CHD9: variants seen among roughly 807,000 people sequenced by gnomAD.
CHD9 encodes ATP-dependent chromatin remodeler CHD9.
A neutral mutation model predicts 316.1 loss-of-function variants in CHD9; 77 were observed. That is an observed-to-expected ratio of 0.24 (90% CI 0.20 to 0.29). The LOEUF (loss-of-function observed/expected upper bound fraction) is 0.29, where lower values mean the gene tolerates loss of function less well. CHD9 is among the 10% of genes least tolerant of loss of function. The probability of loss-of-function intolerance (pLI) is 1.00; values close to 1 mark genes in which losing one functional copy is unlikely to be tolerated. For synonymous variants in CHD9, 1,129 were observed against 1,158.3 expected, an observed-to-expected ratio of 0.97 and a Z score of 0.51; for missense variants, 2,763 against 3,438.1, an observed-to-expected ratio of 0.80 and a Z score of 4.91.
chr16:53,114,458 G>A (rs932847473), intron 1 of CHD9, among the ~76,000 whole-genome samples: 32 of 152,046 alleles, frequency 2.1e-4, no homozygotes, highest in Non-Finnish European at 3.5e-4. Context: ...AGGTTTTGCC[G>A]TATTGGCCAG....
At chr16:53,282,570 G>T (rs1418214322) in intron 24 of CHD9, among the ~76,000 whole-genome samples, 3 of 152,154 alleles carry the variant, frequency 2.0e-5, no homozygotes, top group Non-Finnish European at 4.4e-5. Context: ...TTGCACCACT[G>T]CACACCAGCC....
At chr16:53,154,638 C>A (rs1366033185) in intron 1 of CHD9, among the ~76,000 whole-genome samples, 1 of 152,140 alleles carries the variant, frequency 6.6e-6, no homozygotes, top group Non-Finnish European at 1.5e-5. Context: ...GGGAGCACAG[C>A]CTAGATCACT....
At chr16:53,087,746 G>GAGACC (rs1315678486) in intron 1 of CHD9, among the ~76,000 whole-genome samples, 1 of 151,978 alleles carries the variant, frequency 6.6e-6, no homozygotes, top group Non-Finnish European at 1.5e-5. Flanking sequence ...TCAGGAGTTC[G>GAGACC]AGACCAGCCT....
At chr16:53,233,639 C>T (rs1234380392) in intron 10 of CHD9, among the ~76,000 whole-genome samples, 1 of 152,036 alleles carries the variant, frequency 6.6e-6, no homozygotes, top group Non-Finnish European at 1.5e-5. Flanking sequence ...CCTTTCTGCC[C>T]ATTCCCCTTC....
intron 20 of CHD9, among the ~76,000 whole-genome samples, chr16:53,264,389 A>G (rs138503288): frequency 6.6e-6 from 1 of 152,242 alleles, no homozygotes; most frequent in East Asian, 1.9e-4. Flanking sequence ...AATTTTCTAT[A>G]TGGGAGCAAT....
At chr16:53,146,349 T>C (rs1029800992) in intron 1 of CHD9, among the ~76,000 whole-genome samples, 3 of 138,104 alleles carry the variant, frequency 2.2e-5, no homozygotes, top group Admixed American at 7.7e-5. Flanking sequence ...GCTGAGATCA[T>C]GCCATTGCAC....
At chr16:53,263,269 C>T (rs2051321450) in intron 20 of CHD9, among the ~76,000 whole-genome samples, 172 bp downstream of exon 20, 1 of 152,110 alleles carries the variant, frequency 6.6e-6, no homozygotes. Flanking sequence ...TTTAATACAT[C>T]TAATATCTCC....
At chr16:53,179,569 G>A (rs898043146) in intron 2 of CHD9, among the ~76,000 whole-genome samples, 3 of 151,936 alleles carry the variant, frequency 2.0e-5, no homozygotes, top group Non-Finnish European at 4.4e-5. Context: ...AATGTATCTT[G>A]TACCCAGTCA....
chr16:53,238,307 C>A (rs1304886704), intron 11 of CHD9, 36 bp from the exon 12 acceptor site: 4 of 1,529,332 alleles, frequency 2.6e-6, no homozygotes, highest in Admixed American at 4.0e-5. Context: ...AAAAAAAACC[C>A]AATGTATGCA....
At chr16:53,106,659 C>T (rs77467495) in intron 1 of CHD9, among the ~76,000 whole-genome samples, 3 of 44,902 alleles carry the variant, frequency 6.7e-5, no homozygotes, top group African/African-American at 6.2e-4. Flanking sequence ...CACATACATA[C>T]ACACACACAC....
intron 1 of CHD9, among the ~76,000 whole-genome samples, chr16:53,146,843 T>G (rs2040672401): frequency 1.3e-5 from 2 of 151,850 alleles, no homozygotes; most frequent in Admixed American, 1.3e-4. Flanking sequence ...ACACGTATTT[T>G]ACCACATTAA....
intron 27 of CHD9, 144 bp from the exon 28 acceptor site, chr16:53,291,581 A>G: frequency 1.8e-6 from 1 of 546,554 alleles, no homozygotes; most frequent in Non-Finnish European, 3.1e-6. Context: ...AGCAGTTGAA[A>G]GTTTTATTTT....
intron 1 of CHD9, among the ~76,000 whole-genome samples, chr16:53,142,531 T>C (rs2040201550): frequency 6.6e-6 from 1 of 152,224 alleles, no homozygotes; most frequent in Non-Finnish European, 1.5e-5. Flanking sequence ...GATCTCCAGC[T>C]TCTGGTCTCA....
chr16:53,323,896 T>C, intron 38 of CHD9, 124 bp from the exon 39 acceptor site: 1 of 774,966 alleles, frequency 1.3e-6, no homozygotes, highest in Non-Finnish European at 2.0e-6. Flanking sequence ...ATTGATTATT[T>C]AATATCAGTA....
intron 1 of CHD9, among the ~76,000 whole-genome samples, chr16:53,067,456 TA>T (rs1385804974): frequency 6.6e-6 from 1 of 152,192 alleles, no homozygotes; most frequent in African/African-American, 2.4e-5. Context: ...TCTTTTTTTT[TA>T]TACCAACAAA....
intron 1 of CHD9, among the ~76,000 whole-genome samples, chr16:53,058,612 T>G (rs773707253): frequency 6.6e-6 from 1 of 152,126 alleles, no homozygotes; most frequent in African/African-American, 2.4e-5. Context: ...GGAGAGAGGC[T>G]GGGGCCAGGC....
chr16:53,198,790 T>G lies in CHD9; in HGVS notation c.1453-10692T>G, dbSNP rs35926511. On this transcript the variant is annotated intron_variant, in intron 2 of 38. Transcript: ENST00000447540. ...AAATGTATGTAGGAATATTGAATCT[T>G]GTCACATAGATGTGTTCCTCTGTAC... 5.8e-3 allele frequency among the ~76,000 whole-genome samples: 881 copies of G among 152,326 alleles called. 5 individuals are homozygous for G. Among genetic ancestry groups the G allele is most frequent in the Admixed American group, 0.01 (154 of 15,306 alleles).
At chr16:53,313,399 G>A (rs953831702) in intron 34 of CHD9, among the ~76,000 whole-genome samples, 2 of 151,930 alleles carry the variant, frequency 1.3e-5, no homozygotes, top group Admixed American at 6.6e-5. Flanking sequence ...TCCGCCTCCC[G>A]GATTCAAGTG....
At chr16:53,087,355 G>A (rs2035548576) in intron 1 of CHD9, among the ~76,000 whole-genome samples, 1 of 152,132 alleles carries the variant, frequency 6.6e-6, no homozygotes, top group African/African-American at 2.4e-5. Context: ...AGGGGAATCA[G>A]GGCTCTCCTC....
Sources: gnomAD v4.1 joint callset for allele counts (sites outside exome capture counted in the v4.1 genomes callset) on GRCh38, gnomAD v4.1.1 for gene constraint, MANE v1.5 for transcripts, NCBI Gene and HGNC (gene_info 2026-07-23, HGNC 2026-07-21) for gene names.